MCM3AP: variants seen among roughly 807,000 people sequenced by gnomAD.
The protein encoded by MCM3AP is minichromosome maintenance complex component 3 associated protein.
MCM3AP carries 126 observed loss-of-function variants against 184.1 expected under a neutral mutation model. That is an observed-to-expected ratio of 0.68 (90% CI 0.59 to 0.79). MCM3AP has a LOEUF of 0.79. MCM3AP is among the 30% of genes least tolerant of loss of function. The probability of loss-of-function intolerance (pLI) is 0.00; values close to 1 mark genes in which losing one functional copy is unlikely to be tolerated. For synonymous variants in MCM3AP, 1,002 were observed against 979.3 expected, an observed-to-expected ratio of 1.02 and a Z score of -0.43; for missense variants, 2,496 against 2,479.2, an observed-to-expected ratio of 1.01 and a Z score of -0.14.
rs765377965 is a variant in MCM3AP, at chr21:46,235,317, A to AG, written c.5893_5894insC (p.Val1965AlafsTer4). Reference sequence around the variant, plus strand: ...CGCAGAGAGATGGAGCTCAGAGGCAACTTCCTCTTCCCTTGAACTCCGGAT... The same window carrying AG: ...CGCAGAGAGATGGAGCTCAGAGGCAAGCTTCCTCTTCCCTTGAACTCCGGAT... On this transcript the variant is annotated frameshift_variant, in exon 28 of 28. Coordinates refer to ENST00000291688, the MANE Select transcript of MCM3AP (RefSeq NM_003906.5). LOFTEE classifies it high-confidence loss of function. 3 of 1,614,186 alleles carry AG rather than the reference A, an allele frequency of 1.9e-6. No homozygotes were observed. Among genetic ancestry groups the AG allele is most frequent in the Non-Finnish European group, 2.5e-6 (3 of 1,180,024 alleles).
intron 18 of MCM3AP, 33 bp downstream of exon 18, chr21:46,254,742 CA>C (rs768908065): frequency 3.1e-5 from 50 of 1,597,900 alleles, no homozygotes; most frequent in Non-Finnish European, 4.1e-5. Context: ...CGGGGATCAC[CA>C]GGGGGTGCGC....
At chr21:46,244,741 C>T in intron 23 of MCM3AP, 66 bp downstream of exon 23, 1 of 1,519,998 alleles carries the variant, frequency 6.6e-7, no homozygotes, top group East Asian at 2.3e-5. Context: ...ACGGTTACTA[C>T]AGTGAGAAGG....
At chr21:46,273,303 AAT>A in intron 7 of MCM3AP, 83 bp downstream of exon 7, 1 of 1,289,156 alleles carries the variant, frequency 7.8e-7, no homozygotes, top group Non-Finnish European at 1.1e-6. Flanking sequence ...TTACAGATAA[AAT>A]ATATAACAGA....
intron 19 of MCM3AP, 199 bp from the exon 20 acceptor site, chr21:46,251,881 CTTTTTT>C (rs754670172): frequency 8.6e-4 from 110 of 127,668 alleles, no homozygotes; most frequent in East Asian, 2.1e-3. Flanking sequence ...TGTACTCGTT[CTTTTTT>C]TTTTTTTTTT....
At chr21:46,269,741 G>A (rs1051751963) in intron 9 of MCM3AP, among the ~76,000 whole-genome samples, 1 of 152,216 alleles carries the variant, frequency 6.6e-6, no homozygotes, top group Admixed American at 6.5e-5. Flanking sequence ...GAGTGTGTGC[G>A]AGGTGAGGTG....
At chr21:46,249,701 C>A in intron 20 of MCM3AP, 1 of 413,196 alleles carries the variant, frequency 2.4e-6, no homozygotes, top group South Asian at 1.8e-5. Flanking sequence ...ACTGCAGCTG[C>A]TGCTAATGGC....
At chr21:46,281,938 A>G (rs1185957944) in intron 2 of MCM3AP, among the ~76,000 whole-genome samples, 1 of 152,098 alleles carries the variant, frequency 6.6e-6, no homozygotes, top group Non-Finnish European at 1.5e-5. Flanking sequence ...GTAAAGGTTG[A>G]AGTGAGCCAA....
At chr21:46,250,834 ATTAG>A (rs1466753224) in intron 20 of MCM3AP, 1 of 152,270 alleles carries the variant, frequency 6.6e-6, no homozygotes, top group Non-Finnish European at 1.5e-5. Flanking sequence ...GTTAGGAGTA[ATTAG>A]TTATTTAGGA....
intron 23 of MCM3AP, among the ~76,000 whole-genome samples, chr21:46,244,240 G>A (rs962575367): frequency 6.6e-6 from 1 of 152,274 alleles, no homozygotes; most frequent in Non-Finnish European, 1.5e-5. Flanking sequence ...CCTTCTGAGT[G>A]CATAGGAAGG....
At chr21:46,281,314 C>T (rs1381061642) in intron 2 of MCM3AP, among the ~76,000 whole-genome samples, 2 of 152,110 alleles carry the variant, frequency 1.3e-5, no homozygotes, top group African/African-American at 4.8e-5. Flanking sequence ...CGTTAGTCTC[C>T]GTGTAGATAC....
In MCM3AP at chr21:46,258,964, G is replaced by A. The variant is rs2080998772; in HGVS notation, c.3709C>T (p.Gln1237Ter). The A allele has an allele frequency of 1.2e-6, 2 of 1,614,122 alleles. No homozygotes were observed. Among genetic ancestry groups the A allele is most frequent in the Non-Finnish European group, 1.7e-6 (2 of 1,180,022 alleles). Residue 1237 changes from glutamine to a stop codon, truncating the protein, a stop_gained, in exon 16 of 28, where the codon CAG becomes TAG. Transcript: ENST00000291688. LOFTEE classifies it high-confidence loss of function. Reference sequence around the variant, plus strand: ...CGCTGTAGATACTTGCAGAAGCACTGAAGCTCCTGGAGGGTCTCCTTTGCA... The same window carrying A: ...CGCTGTAGATACTTGCAGAAGCACTAAAGCTCCTGGAGGGTCTCCTTTGCA... ...QTAKETLQEL[Q>*]CFCKYLQRWR...
In MCM3AP at chr21:46,235,386, G is replaced by A. The variant is rs766362107; in HGVS notation, c.5825C>T (p.Thr1942Ile). Residue 1942 changes from threonine to isoleucine, a missense_variant, in exon 28 of 28, where the codon ACA becomes ATA. This residue lies in a region of MCM3AP where 1,323 missense variants were observed against 1,273.4 expected (regional missense o/e 1.04). Transcript: ENST00000291688. ...MREQLQLSEA[T>I]GTCLGERLKH... Reference sequence around the variant, plus strand: ...TAGTCGTTCGCCTAGACACGTTCCTGTCGCCTCTGACAGCTGCAGTTGCTC... The same window carrying A: ...TAGTCGTTCGCCTAGACACGTTCCTATCGCCTCTGACAGCTGCAGTTGCTC... 1.2e-6 allele frequency: 2 copies of A among 1,614,062 alleles called. No individual in the cohort carries two copies. Among genetic ancestry groups the A allele is most frequent in the South Asian group, 1.1e-5 (1 of 91,072 alleles).
At chr21:46,264,280 CAT>C in intron 12 of MCM3AP, 63 bp from the exon 13 acceptor site, 1 of 1,039,580 alleles carries the variant, frequency 9.6e-7, no homozygotes, top group Non-Finnish European at 1.5e-6. Flanking sequence ...TGCTGGGTAA[CAT>C]GTTGTCACCG....
At position 46,246,629 on chromosome 21, in the gene MCM3AP, A is replaced by G; in HGVS notation, c.4548T>C (p.Asp1516=). The G allele has an allele frequency of 1.2e-6, 2 of 1,608,914 alleles. No individual in the cohort carries two copies. Among genetic ancestry groups the G allele is most frequent in the East Asian group, 2.2e-5 (1 of 44,736 alleles). The change falls in exon 21 of 28, where the codon GAT becomes GAC. Residue 1516 remains aspartate, a splice_region_variant and synonymous_variant. Coordinates refer to ENST00000291688, the MANE Select transcript of MCM3AP (RefSeq NM_003906.5). ...GGDAVEKEVE[D]GLMLQDLVSA... is the part of the protein sequence containing the mutation. ...ATAAACGAGACTTCCTTCACAAACC[A>G]TCTTCTACTTCCTTCTCAACGGCGT... is the stretch of plus-strand genomic sequence containing the variant.
intron 20 of MCM3AP, chr21:46,249,798 C>T: frequency 3.5e-6 from 1 of 281,928 alleles, no homozygotes; most frequent in Non-Finnish European, 7.0e-6. Context: ...GCCAGATGAG[C>T]ATCTCCACCA....
Position 46,240,851 on chromosome 21 carries a change from A to G in MCM3AP, c.5593T>C (p.Leu1865=). ...ASAEELLAQC[L]SSSLLLEKEE... Reference sequence around the variant, plus strand: ...TTCTCCAGCAGCAGACTGCTCGACAAACACTGCGCCAAGAGCTCCTCAGCA... The same window carrying G: ...TTCTCCAGCAGCAGACTGCTCGACAGACACTGCGCCAAGAGCTCCTCAGCA... The change falls in exon 26 of 28, where the codon TTG becomes CTG. Residue 1865 remains leucine, a synonymous_variant. Coordinates refer to ENST00000291688, the MANE Select transcript of MCM3AP (RefSeq NM_003906.5). The G allele has an allele frequency of 6.2e-7, 1 of 1,614,192 alleles. No individual in the cohort carries two copies. The highest frequency in any genetic ancestry group is 8.5e-7 in the Non-Finnish European group (1 of 1,180,052).
chr21:46,243,274 A>G, intron 24 of MCM3AP, 191 bp downstream of exon 24: 1 of 750,814 alleles, frequency 1.3e-6, no homozygotes, highest in Non-Finnish European at 2.2e-6. Context: ...AGGTGAGTTC[A>G]GGCTCTACCA....
intron 10 of MCM3AP, chr21:46,266,576 C>T (rs1210490789): frequency 1.3e-5 from 3 of 234,056 alleles, no homozygotes; most frequent in South Asian, 8.7e-5. Context: ...TCTGAGAGAG[C>T]GTCTGTGAGT....
At chr21:46,254,190 T>C in intron 19 of MCM3AP, 1 of 618,176 alleles carries the variant, frequency 1.6e-6, no homozygotes, top group Non-Finnish European at 2.8e-6. Context: ...ACACCAAGTT[T>C]ATGGAATAAA....
Sources: allele counts gnomAD v4.1 joint callset (sites outside exome capture counted in the v4.1 genomes callset), GRCh38; gene constraint gnomAD v4.1.1; regional missense constraint gnomAD v4.1.1; transcripts MANE v1.5; gene names NCBI Gene and HGNC (gene_info 2026-07-23, HGNC 2026-07-21).